MRAS: variants seen among roughly 807,000 people sequenced by gnomAD.
The protein encoded by MRAS is muscle RAS oncogene homolog, also known as ras-related protein M-Ras.
Under a neutral mutation model 20.9 loss-of-function variants are expected in MRAS, and 4 were observed. That is an observed-to-expected ratio of 0.19 (90% CI 0.09 to 0.44). MRAS has a LOEUF of 0.44. Ranked by LOEUF, MRAS falls within the 20% of genes least tolerant of loss-of-function variation. The probability of loss-of-function intolerance (pLI) is 0.99; values close to 1 mark genes in which losing one functional copy is unlikely to be tolerated. For missense variants in MRAS, 154 were observed against 277.5 expected, an observed-to-expected ratio of 0.56 and a Z score of 3.16; for synonymous variants, 98 against 102.9, an observed-to-expected ratio of 0.95 and a Z score of 0.29.
chr3:138,364,172 C>T (rs1358676975), intron 1 of MRAS, among the ~76,000 whole-genome samples: 1 of 152,136 alleles, frequency 6.6e-6, no homozygotes, highest in Non-Finnish European at 1.5e-5. Flanking sequence ...ACACACATAT[C>T]GGCCTGCTAG....
chr3:138,384,633 T>C (rs995608550), intron 2 of MRAS, among the ~76,000 whole-genome samples: 15 of 152,254 alleles, frequency 9.9e-5, no homozygotes, highest in African/African-American at 3.4e-4. Flanking sequence ...GGGTGGCAGC[T>C]GGATATCTAA....
At chr3:138,399,932 T>C (rs1184208626) in intron 4 of MRAS, among the ~76,000 whole-genome samples, 1 of 152,356 alleles carries the variant, frequency 6.6e-6, no homozygotes, top group East Asian at 1.9e-4. Context: ...TCCCGCTGTC[T>C]GCACCCTTTC....
At chr3:138,386,304 A>G (rs75356378) in intron 2 of MRAS, among the ~76,000 whole-genome samples, 1,690 of 151,056 alleles carry the variant, frequency 0.011, 33 homozygotes, top group African/African-American at 0.038. Context: ...CCATTAATCC[A>G]CTTCCTGCCT....
At chr3:138,391,714 C>T (rs1222322323) in intron 2 of MRAS, among the ~76,000 whole-genome samples, 2 of 152,128 alleles carry the variant, frequency 1.3e-5, no homozygotes, top group East Asian at 1.9e-4. Flanking sequence ...ATAAAAATTC[C>T]AAAACACCTC....
intron 2 of MRAS, among the ~76,000 whole-genome samples, chr3:138,389,986 G>A (rs759375516): frequency 2.6e-5 from 4 of 151,844 alleles, no homozygotes; most frequent in Middle Eastern, 3.2e-3. Context: ...AATCCCAGGC[G>A]TGGGCAGTTT....
At chr3:138,376,635 T>C (rs1348507552) in intron 2 of MRAS, among the ~76,000 whole-genome samples, 2 of 152,244 alleles carry the variant, frequency 1.3e-5, no homozygotes, top group Non-Finnish European at 2.9e-5. Flanking sequence ...CTATTAAAAT[T>C]AAAACTTACA....
chr3:138,403,186 G>C lies in MRAS; in HGVS notation c.*917G>C, dbSNP rs1024080621. 3 of 152,230 alleles carry C rather than the reference G, an allele frequency of 2.0e-5. No individual in the cohort carries two copies. The East Asian group carries it at 5.8e-4, about 29-fold the overall frequency. The allele number at this position is 152,230 out of a possible 1,614,324, so 9.4% of individuals were successfully genotyped here. On this transcript the variant is annotated 3_prime_UTR_variant, in exon 6 of 6. Coordinates refer to ENST00000423968, the MANE Select transcript of MRAS (RefSeq NM_001085049.3). Reference sequence around the variant, plus strand: ...TCAGACAGTATGGGTTAAGTTCTCTGCCCTCCCCAGGGGTCTGAGGAGGCT... The same window carrying C: ...TCAGACAGTATGGGTTAAGTTCTCTCCCCTCCCCAGGGGTCTGAGGAGGCT...
intron 1 of MRAS, among the ~76,000 whole-genome samples, chr3:138,354,769 A>G (rs1186598006): frequency 6.6e-6 from 1 of 152,130 alleles, no homozygotes; most frequent in East Asian, 1.9e-4. Flanking sequence ...TTATATGACA[A>G]TGATAACAAA....
intron 1 of MRAS, among the ~76,000 whole-genome samples, chr3:138,357,664 C>A (rs896837863): frequency 2.6e-5 from 4 of 152,228 alleles, no homozygotes; most frequent in Admixed American, 2.0e-4. Flanking sequence ...AGGGTATGGG[C>A]CATGCCCACT....
chr3:138,384,034 G>A (rs1428081034), intron 2 of MRAS, among the ~76,000 whole-genome samples: 1 of 152,172 alleles, frequency 6.6e-6, no homozygotes, highest in Non-Finnish European at 1.5e-5. Flanking sequence ...CAAGGGCCCC[G>A]AGGCAGGGGT....
rs1303096890 is a variant in MRAS, at chr3:138,404,160, C to T, written c.*1891C>T. On this transcript the variant is annotated 3_prime_UTR_variant, in exon 6 of 6. Coordinates refer to ENST00000423968, the MANE Select transcript of MRAS (RefSeq NM_001085049.3). The stretch of plus-strand genomic sequence containing the variant: ...TAAAAGGACAAAGCTCTTCCCAATC[C>T]TTATGCTTCCCTAAGTGGTATCTGC... 6.6e-6 allele frequency: 1 copy of T among 152,190 alleles called. No individual in the cohort carries two copies. The highest frequency in any genetic ancestry group is 1.5e-5 in the Non-Finnish European group (1 of 68,058). 9.4% of individuals were successfully genotyped at this position (152,190 alleles called of 1,614,324 possible).
At chr3:138,378,105 T>C (rs2054822129) in intron 2 of MRAS, among the ~76,000 whole-genome samples, 1 of 152,044 alleles carries the variant, frequency 6.6e-6, no homozygotes, top group Admixed American at 6.5e-5. Flanking sequence ...CAGGAAGAAG[T>C]GGGTGTGGCT....
At chr3:138,401,252 A>T (rs921579851) in intron 5 of MRAS, among the ~76,000 whole-genome samples, 1 of 152,134 alleles carries the variant, frequency 6.6e-6, no homozygotes, top group African/African-American at 2.4e-5. Flanking sequence ...AATCTTTAAC[A>T]TGCACAGCAG....
chr3:138,402,003 C>G (rs969153442), intron 5 of MRAS, among the ~76,000 whole-genome samples, 167 bp from the exon 6 acceptor site: 1 of 152,194 alleles, frequency 6.6e-6, no homozygotes, highest in Admixed American at 6.5e-5. Context: ...CCTCCTCCAG[C>G]GGCCAGGACA....
chr3:138,387,747 A>G (rs1232633810), intron 2 of MRAS, among the ~76,000 whole-genome samples: 1 of 152,128 alleles, frequency 6.6e-6, no homozygotes, highest in East Asian at 1.9e-4. Context: ...TCCTTCCCTA[A>G]GAGCAGCATT....
At chr3:138,370,289 C>T (rs529951248) in intron 1 of MRAS, among the ~76,000 whole-genome samples, 10 of 152,288 alleles carry the variant, frequency 6.6e-5, no homozygotes, top group African/African-American at 1.4e-4. Flanking sequence ...ACTGCACTCC[C>T]GTCTGGGTGA....
At chr3:138,371,821 ACT>A (rs10544381) in intron 1 of MRAS, among the ~76,000 whole-genome samples, 96,528 of 151,536 alleles carry the variant, frequency 0.64, 30,852 homozygotes, top group Admixed American at 0.76. Context: ...CCTTCTGGAA[ACT>A]CTTGGCTTCC....
At chr3:138,358,415 C>T (rs1254527858) in intron 1 of MRAS, among the ~76,000 whole-genome samples, 2 of 152,138 alleles carry the variant, frequency 1.3e-5, no homozygotes, top group Admixed American at 1.3e-4. Context: ...TTACCTTTAC[C>T]TACAGTAAGA....
At chr3:138,385,506 T>A (rs140235244) in intron 2 of MRAS, among the ~76,000 whole-genome samples, 6,407 of 149,796 alleles carry the variant, frequency 0.043, 170 homozygotes, top group South Asian at 0.086. Context: ...ATATATATAT[T>A]TATTTATTTA....
Sources: allele counts gnomAD v4.1 joint callset (sites outside exome capture counted in the v4.1 genomes callset), GRCh38; gene constraint gnomAD v4.1.1; transcripts MANE v1.5; gene names NCBI Gene and HGNC (gene_info 2026-07-23, HGNC 2026-07-21).